The following UNC13C variants were observed in gnomAD, a reference collection of about 807,000 sequenced individuals.
UNC13C encodes protein unc-13 homolog C.
Under a neutral mutation model 245.4 loss-of-function variants are expected in UNC13C, and 174 were observed. That is an observed-to-expected ratio of 0.71 (90% CI 0.63 to 0.80). UNC13C has a LOEUF of 0.80. Ranked by LOEUF, UNC13C falls within the 30% of genes least tolerant of loss-of-function variation. UNC13C has a pLI of 0.00. For synonymous variants in UNC13C, 992 were observed against 895.1 expected, an observed-to-expected ratio of 1.11 and a Z score of -1.93; for missense variants, 2,829 against 2,602.9, an observed-to-expected ratio of 1.09 and a Z score of -1.89.
intron 19 of UNC13C, among the ~76,000 whole-genome samples, chr15:54,455,238 T>TATATATATATATATATATATATA (rs1416569966): frequency 2.9e-5 from 2 of 70,146 alleles, no homozygotes; most frequent in Non-Finnish European, 5.7e-5. Context: ...TATATATATA[T>TATATATATATATATATATATATA]GTTTTTTAAT....
At chr15:54,274,498 T>C (rs1042605210) in intron 10 of UNC13C, among the ~76,000 whole-genome samples, 1 of 152,080 alleles carries the variant, frequency 6.6e-6, no homozygotes, top group African/African-American at 2.4e-5. Flanking sequence ...GACCAATAGA[T>C]TTTTGCTAAA....
intron 29 of UNC13C, among the ~76,000 whole-genome samples, chr15:54,564,196 G>A (rs576723216): frequency 1.4e-4 from 21 of 151,918 alleles, no homozygotes; most frequent in Admixed American, 3.9e-4. Flanking sequence ...TTTCTGTCTC[G>A]GGACATTTCA....
At chr15:54,049,461 T>C in intron 2 of UNC13C, 1 of 423,876 alleles carries the variant, frequency 2.4e-6, no homozygotes, top group South Asian at 2.0e-5. Context: ...GAAGAGACAT[T>C]GAAACAACTA....
chr15:54,588,462 C>T (rs1898601391), intron 30 of UNC13C, among the ~76,000 whole-genome samples: 1 of 152,136 alleles, frequency 6.6e-6, no homozygotes, highest in Admixed American at 6.5e-5. Flanking sequence ...ATGTAAACCT[C>T]CTAGAACAAT....
chr15:54,474,102 A>G (rs8023908), intron 19 of UNC13C, among the ~76,000 whole-genome samples: 25,614 of 152,026 alleles, frequency 0.17, 2,383 homozygotes, highest in Middle Eastern at 0.21. Flanking sequence ...GGCTATTGTT[A>G]TTAGTGCTAC....
Position 54,032,575 on chromosome 15 carries a change from A to G in UNC13C, c.2983+16689A>G, listed in dbSNP as rs551327666. ...GTAGACAACAAAGGAAGATATGTAT[A>G]TATATTGTGACATTTCTTAGAACTC... On this transcript the variant is annotated intron_variant, in intron 2 of 32. Coordinates refer to ENST00000260323, the MANE Select transcript of UNC13C (RefSeq NM_001080534.3). Among the ~76,000 whole-genome samples, 9 of 152,350 alleles carry G rather than the reference A, an allele frequency of 5.9e-5. No homozygotes were observed. The South Asian group carries it at 1.9e-3, about 32-fold the overall frequency.
At chr15:54,157,394 C>G (rs1363573936) in intron 4 of UNC13C, among the ~76,000 whole-genome samples, 1 of 152,176 alleles carries the variant, frequency 6.6e-6, no homozygotes, top group Non-Finnish European at 1.5e-5. Flanking sequence ...ATTATAATCG[C>G]AAGATCATTT....
intron 20 of UNC13C, among the ~76,000 whole-genome samples, 193 bp from the exon 21 acceptor site, chr15:54,499,886 A>G (rs1894122585): frequency 6.6e-6 from 1 of 152,102 alleles, no homozygotes; most frequent in Admixed American, 6.6e-5. Context: ...ACGGGGGTAG[A>G]GGTTGGAGGT....
chr15:54,391,518 A>G (rs1302080725), intron 17 of UNC13C, among the ~76,000 whole-genome samples: 4 of 152,152 alleles, frequency 2.6e-5, no homozygotes, highest in Admixed American at 1.3e-4. Flanking sequence ...ATTCACTAAT[A>G]TAACCCAGGA....
intron 13 of UNC13C, among the ~76,000 whole-genome samples, chr15:54,301,729 A>G (rs1567171842): frequency 6.6e-6 from 1 of 152,102 alleles, no homozygotes; most frequent in African/African-American, 2.4e-5. Context: ...TGCTATTATG[A>G]ACAGTGCTGT....
chr15:54,590,405 C>A (rs1396219219), intron 30 of UNC13C, among the ~76,000 whole-genome samples: 1 of 152,166 alleles, frequency 6.6e-6, no homozygotes, highest in Non-Finnish European at 1.5e-5. Flanking sequence ...AAAATTGATT[C>A]TAACATCCAG....
the UNC13C span, among the ~76,000 whole-genome samples, chr15:53,867,720 C>T: frequency 5.9e-5 from 9 of 152,180 alleles, no homozygotes; most frequent in Non-Finnish European, 1.0e-4. Flanking sequence ...GATTTCCTTC[C>T]TGCCTATTAA....
the UNC13C span, among the ~76,000 whole-genome samples, chr15:53,970,550 G>A: frequency 6.6e-6 from 1 of 152,174 alleles, no homozygotes; most frequent in Admixed American, 6.5e-5. Flanking sequence ...GGAGCTGGAA[G>A]CCATTATCCT....
chr15:54,390,935 A>G (rs1393791235), intron 17 of UNC13C, among the ~76,000 whole-genome samples: 1 of 152,134 alleles, frequency 6.6e-6, no homozygotes, highest in Admixed American at 6.6e-5. Context: ...AAACTTAATG[A>G]TTCAACATCC....
chr15:53,873,582 G>A, the UNC13C span, among the ~76,000 whole-genome samples: 1 of 152,046 alleles, frequency 6.6e-6, no homozygotes, highest in Non-Finnish European at 1.5e-5. Context: ...AAATCATCTA[G>A]CAGTCTATAT....
At chr15:54,098,099 C>T (rs1481695464) in intron 2 of UNC13C, among the ~76,000 whole-genome samples, 1 of 152,176 alleles carries the variant, frequency 6.6e-6, no homozygotes, top group Admixed American at 6.5e-5. Flanking sequence ...GTGGCCAGGA[C>T]AGGCCATTCT....
chr15:54,185,336 G>A (rs535089626), intron 4 of UNC13C, among the ~76,000 whole-genome samples: 3,258 of 152,010 alleles, frequency 0.021, 65 homozygotes, highest in Non-Finnish European at 0.032. Context: ...TAGACATGAA[G>A]TCCTTGCCCA....
intron 4 of UNC13C, among the ~76,000 whole-genome samples, chr15:54,179,071 A>G (rs1345511778): frequency 6.6e-6 from 1 of 152,144 alleles, no homozygotes; most frequent in Admixed American, 6.6e-5. Context: ...AATAACATGA[A>G]TGAAGCACCA....
At chr15:54,240,481 C>T (rs2035821961) in intron 7 of UNC13C, among the ~76,000 whole-genome samples, 1 of 151,956 alleles carries the variant, frequency 6.6e-6, no homozygotes, top group Admixed American at 6.6e-5. Flanking sequence ...CAAATGGTAC[C>T]ACTTCTATTT....
Sources: allele counts gnomAD v4.1 joint callset (sites outside exome capture counted in the v4.1 genomes callset), GRCh38; gene constraint gnomAD v4.1.1; transcripts MANE v1.5; gene names NCBI Gene and HGNC (gene_info 2026-07-23, HGNC 2026-07-21).